The following NELL1 variants were observed in gnomAD, a reference collection of about 807,000 sequenced individuals.
The protein encoded by NELL1 is protein kinase C-binding protein NELL1.
NELL1 carries 76 observed loss-of-function variants against 107.4 expected under a neutral mutation model. That is an observed-to-expected ratio of 0.71 (90% CI 0.59 to 0.86). The LOEUF (loss-of-function observed/expected upper bound fraction) is 0.86, where lower values mean the gene tolerates loss of function less well. Ranked by LOEUF, NELL1 falls within the 40% of genes least tolerant of loss-of-function variation. The pLI is 0.00. For synonymous variants in NELL1, 353 were observed against 341.2 expected, an observed-to-expected ratio of 1.03 and a Z score of -0.38; for missense variants, 1,024 against 1,005.5, an observed-to-expected ratio of 1.02 and a Z score of -0.25.
rs551371385 is a variant in NELL1, at chr11:20,811,012, A to G, written c.335+27182A>G. 4.6e-5 allele frequency among the ~76,000 whole-genome samples: 7 copies of G among 152,070 alleles called. No homozygotes were observed. The East Asian group carries it at 1.4e-3, about 29-fold the overall frequency. On this transcript the variant is annotated intron_variant, in intron 3 of 19. Transcript: ENST00000357134. ...GAAGGCTTTAGTTTGATACAATCCT[A>G]TTTGTCTGTTTGCTTTTATTGATTA...
chr11:21,091,701 G>A (rs987277695), intron 12 of NELL1, among the ~76,000 whole-genome samples: 59 of 151,884 alleles, frequency 3.9e-4, no homozygotes, highest in African/African-American at 1.3e-3. Context: ...GCCCACATTC[G>A]ATACTAGATT....
intron 15 of NELL1, among the ~76,000 whole-genome samples, chr11:21,525,608 A>G (rs77925590): frequency 0.13 from 19,513 of 152,200 alleles, 1,351 homozygotes; most frequent in Admixed American, 0.2. Flanking sequence ...TCATGCTGCT[A>G]ATAAAGACAT....
intron 12 of NELL1, among the ~76,000 whole-genome samples, chr11:21,055,117 A>G (rs1227754878): frequency 3.9e-5 from 6 of 152,210 alleles, no homozygotes; most frequent in African/African-American, 7.2e-5. Context: ...TACCAGAACT[A>G]CTTATTAAAT....
At chr11:21,163,776 A>C (rs1856423204) in intron 13 of NELL1, among the ~76,000 whole-genome samples, 1 of 152,000 alleles carries the variant, frequency 6.6e-6, no homozygotes, top group Admixed American at 6.6e-5. Flanking sequence ...TTCTCTTCTT[A>C]TAAGGGCATT....
chr11:20,941,118 G>A (rs1315752041), intron 10 of NELL1, among the ~76,000 whole-genome samples: 4 of 152,084 alleles, frequency 2.6e-5, no homozygotes, highest in African/African-American at 7.2e-5. Context: ...CAGCCTGGGC[G>A]ACAGAGTGAG....
chr11:20,988,468 T>C (rs1210875697), intron 12 of NELL1, among the ~76,000 whole-genome samples: 1 of 151,072 alleles, frequency 6.6e-6, no homozygotes, highest in Non-Finnish European at 1.5e-5. Context: ...TATATGTGTG[T>C]ATATATATCT....
At chr11:20,959,140 A>C (rs772430771) in intron 11 of NELL1, among the ~76,000 whole-genome samples, 1 of 152,190 alleles carries the variant, frequency 6.6e-6, no homozygotes, top group Non-Finnish European at 1.5e-5. Context: ...AATAGAGAAA[A>C]GCACACCATA....
intron 13 of NELL1, among the ~76,000 whole-genome samples, chr11:21,171,604 CT>C (rs1856608445): frequency 6.6e-6 from 1 of 151,776 alleles, no homozygotes; most frequent in South Asian, 2.1e-4. Context: ...CTTATTCTAA[CT>C]TTTGTCTTAT....
intron 15 of NELL1, among the ~76,000 whole-genome samples, chr11:21,514,670 G>A (rs1486407860): frequency 1.4e-5 from 2 of 145,608 alleles, no homozygotes; most frequent in African/African-American, 2.8e-5. Flanking sequence ...TGTGCCAAAC[G>A]AAATCACACA....
chr11:21,544,281 G>C (rs546440087), intron 16 of NELL1, among the ~76,000 whole-genome samples: 2 of 152,090 alleles, frequency 1.3e-5, no homozygotes, highest in East Asian at 1.9e-4. Context: ...CACTAAGCTA[G>C]GTGGTAGGTA....
At chr11:21,472,136 T>A (rs1854197391) in intron 15 of NELL1, among the ~76,000 whole-genome samples, 1 of 112,000 alleles carries the variant, frequency 8.9e-6, no homozygotes, top group South Asian at 3.8e-4. Context: ...GACACAAGAT[T>A]TGCTTTCTGT....
intron 15 of NELL1, chr11:21,383,727 A>G (rs926431125): frequency 6.7e-6 from 1 of 150,064 alleles, no homozygotes; most frequent in Non-Finnish European, 1.5e-5. Context: ...TATTAATAAA[A>G]AGAATAGAAA....
At chr11:20,696,347 A>T (rs1607616) in intron 2 of NELL1, among the ~76,000 whole-genome samples, 54,514 of 151,490 alleles carry the variant, frequency 0.36, 10,568 homozygotes, top group African/African-American at 0.48. Flanking sequence ...TTTTTCTAGG[A>T]GTGAAAAACA....
intron 13 of NELL1, among the ~76,000 whole-genome samples, chr11:21,155,418 T>A (rs1453996): frequency 0.46 from 69,421 of 151,928 alleles, 16,266 homozygotes; most frequent in African/African-American, 0.54. Flanking sequence ...AATATATGAA[T>A]TTACCTTTGA....
At position 21,082,342 on chromosome 11, in the gene NELL1, G is replaced by T. The variant is rs1424318205; in HGVS notation, c.1301-31247G>T. On this transcript the variant is annotated intron_variant, in intron 12 of 19. Transcript: ENST00000357134. Reference sequence around the variant, plus strand: ...GATTAATTTAGAAAAGCACCAAGGTGATTCTATGGAAATAGCATATTTACA... The same window carrying T: ...GATTAATTTAGAAAAGCACCAAGGTTATTCTATGGAAATAGCATATTTACA... Among the ~76,000 whole-genome samples, 5 of 152,134 alleles carry T rather than the reference G, an allele frequency of 3.3e-5. No homozygotes were observed. The East Asian group carries it at 9.6e-4, about 29-fold the overall frequency.
At chr11:21,215,720 C>G (rs1025528103) in intron 13 of NELL1, among the ~76,000 whole-genome samples, 1 of 152,154 alleles carries the variant, frequency 6.6e-6, no homozygotes, top group Non-Finnish European at 1.5e-5. Context: ...CCCTAGAGAT[C>G]TTTGGAACTT....
intron 14 of NELL1, among the ~76,000 whole-genome samples, chr11:21,348,293 T>A (rs1318728059): frequency 6.6e-6 from 1 of 152,152 alleles, no homozygotes; most frequent in Non-Finnish European, 1.5e-5. Context: ...ACAAAGAATG[T>A]TCTTTGAATT....
At chr11:20,812,511 T>TA (rs1857521869) in intron 3 of NELL1, among the ~76,000 whole-genome samples, 1 of 152,226 alleles carries the variant, frequency 6.6e-6, no homozygotes. Context: ...TTCAGTTTTT[T>TA]AAAAAATATT....
chr11:21,153,398 C>A (rs569442324), intron 13 of NELL1, among the ~76,000 whole-genome samples: 1 of 151,566 alleles, frequency 6.6e-6, no homozygotes, highest in Non-Finnish European at 1.5e-5. Context: ...TTTATGGGGG[C>A]GTGTAGAACA....
Sources: gnomAD v4.1 joint callset for allele counts (sites outside exome capture counted in the v4.1 genomes callset) on GRCh38, gnomAD v4.1.1 for gene constraint, MANE v1.5 for transcripts, NCBI Gene and HGNC (gene_info 2026-07-23, HGNC 2026-07-21) for gene names.